Variants in IPO11 observed in about 807,000 individuals in gnomAD.
IPO11 encodes the protein importin-11.
IPO11 carries 66 observed loss-of-function variants against 143.2 expected under a neutral mutation model. That is an observed-to-expected ratio of 0.46 (90% CI 0.38 to 0.57). IPO11 has a LOEUF of 0.57. Among genes scored for constraint, IPO11 ranks in the 20% least tolerant of loss-of-function variants. The probability of loss-of-function intolerance (pLI) is 0.00; values close to 1 mark genes in which losing one functional copy is unlikely to be tolerated. For missense variants in IPO11, 1,026 were observed against 1,141.0 expected (o/e 0.90, Z 1.45); for synonymous variants, 385 against 377.8 (o/e 1.02, Z -0.22).
At chr5:62,570,517 A>T (rs1026908748) in intron 27 of IPO11, among the ~76,000 whole-genome samples, 3 of 152,192 alleles carry the variant, frequency 2.0e-5, no homozygotes, top group African/African-American at 7.2e-5. Context: ...TGTTTTAAAG[A>T]TGCTATTATG....
chr5:62,553,323 AGTGTGTGTGTGTGTGTGTGTGTGTGTGT>A (rs3077458), intron 26 of IPO11, among the ~76,000 whole-genome samples: 2 of 119,180 alleles, frequency 1.7e-5, no homozygotes, highest in African/African-American at 6.3e-5. Flanking sequence ...TATTCGTGTG[AGTGTGTGTGTGTGTGTGTGTGTGTGTGT>A]GTGTGTGTGT....
At chr5:62,471,087 G>A (rs985152591) in intron 7 of IPO11, among the ~76,000 whole-genome samples, 1 of 150,514 alleles carries the variant, frequency 6.6e-6, no homozygotes, top group African/African-American at 2.4e-5. Context: ...TTTGGCTTCC[G>A]AAAGTGCTGG....
chr5:62,549,940 T>G (rs949979980), intron 24 of IPO11, among the ~76,000 whole-genome samples: 1 of 152,202 alleles, frequency 6.6e-6, no homozygotes, highest in East Asian at 1.9e-4. Flanking sequence ...AAATGTAGAT[T>G]TATTTCTAGG....
intron 27 of IPO11, among the ~76,000 whole-genome samples, chr5:62,567,839 G>A (rs916705210): frequency 3.3e-5 from 5 of 151,606 alleles, no homozygotes; most frequent in African/African-American, 9.7e-5. Context: ...TGGGATTACA[G>A]GCGTGAGCCA....
At chr5:62,482,595 T>G (rs1435993729) in intron 9 of IPO11, among the ~76,000 whole-genome samples, 1 of 152,208 alleles carries the variant, frequency 6.6e-6, no homozygotes, top group Non-Finnish European at 1.5e-5. Flanking sequence ...ATCATTTGCC[T>G]AGATCCATTA....
chr5:62,434,530 G>C (rs1166013161), intron 1 of IPO11, among the ~76,000 whole-genome samples: 1 of 152,022 alleles, frequency 6.6e-6, no homozygotes, highest in East Asian at 1.9e-4. Context: ...GAAGTCCTGG[G>C]CTCAGGCGAT....
At chr5:62,417,712 C>G (rs749489028) in intron 1 of IPO11, among the ~76,000 whole-genome samples, 2 of 152,162 alleles carry the variant, frequency 1.3e-5, no homozygotes, top group Non-Finnish European at 2.9e-5. Flanking sequence ...GTGACTTCAA[C>G]TATTGCCTCT....
At chr5:62,560,320 T>A (rs1026209702) in intron 26 of IPO11, among the ~76,000 whole-genome samples, 2 of 152,192 alleles carry the variant, frequency 1.3e-5, no homozygotes, top group African/African-American at 4.8e-5. Context: ...CTGGTAAGTC[T>A]GAATTTTGCA....
intron 27 of IPO11, among the ~76,000 whole-genome samples, chr5:62,569,616 G>A (rs992164035): frequency 2.0e-5 from 3 of 152,158 alleles, no homozygotes; most frequent in Non-Finnish European, 4.4e-5. Flanking sequence ...AACAAGGGGA[G>A]GGTTCTTTAC....
intron 2 of IPO11, among the ~76,000 whole-genome samples, chr5:62,437,834 C>T (rs990545259): frequency 6.6e-6 from 1 of 152,188 alleles, no homozygotes; most frequent in Non-Finnish European, 1.5e-5. Flanking sequence ...TTTCTTTTCT[C>T]ATCTAAAAAT....
intron 27 of IPO11, among the ~76,000 whole-genome samples, chr5:62,570,874 A>G (rs1580336765): frequency 1.3e-5 from 2 of 152,326 alleles, no homozygotes; most frequent in Admixed American, 1.3e-4. Flanking sequence ...ACTGTGATCA[A>G]ATGAGATTAT....
intron 27 of IPO11, chr5:62,579,350 T>A (rs1744450613): frequency 1.7e-6 from 2 of 1,186,596 alleles, no homozygotes; most frequent in Non-Finnish European, 1.2e-6. Flanking sequence ...ATAAAAAAAA[T>A]TCATTTGATG....
intron 1 of IPO11, among the ~76,000 whole-genome samples, chr5:62,419,699 TAAG>T (rs993918916): frequency 1.3e-5 from 2 of 151,996 alleles, no homozygotes; most frequent in African/African-American, 2.4e-5. Flanking sequence ...AAAATTATGA[TAAG>T]AAGTATAGTA....
intron 1 of IPO11, among the ~76,000 whole-genome samples, chr5:62,424,522 T>TC (rs11463637): frequency 0.56 from 85,526 of 151,404 alleles, 24,720 homozygotes; most frequent in African/African-American, 0.68. Context: ...AACCTCTGCC[T>TC]CTGCCACCTC....
intron 1 of IPO11, chr5:62,422,705 C>A (rs1561303257): frequency 6.6e-6 from 1 of 152,144 alleles, no homozygotes. Flanking sequence ...CTAAAAACTC[C>A]CGGTGAGACA....
chr5:62,572,860 G>C (rs570726068), intron 27 of IPO11, among the ~76,000 whole-genome samples: 19 of 152,152 alleles, frequency 1.2e-4, no homozygotes, highest in Non-Finnish European at 2.4e-4. Flanking sequence ...TGGGATTGCA[G>C]GTGGGAGCCA....
chr5:62,517,635 T>C (rs1344066316), intron 20 of IPO11, among the ~76,000 whole-genome samples: 4 of 152,300 alleles, frequency 2.6e-5, no homozygotes. Flanking sequence ...ACTGCCGACC[T>C]CAGGTGATTT....
At chr5:62,522,108 C>T (rs1742220036) in intron 20 of IPO11, among the ~76,000 whole-genome samples, 1 of 151,882 alleles carries the variant, frequency 6.6e-6, no homozygotes, top group South Asian at 2.1e-4. Flanking sequence ...TACTTATTTA[C>T]GTTCTATTAT....
At chr5:62,579,690 T>C in intron 27 of IPO11, 4 of 1,548,372 alleles carry the variant, frequency 2.6e-6, no homozygotes, top group Non-Finnish European at 3.5e-6. Context: ...CAGGACTTCA[T>C]TCTCTTGTAG....
Sources: gnomAD v4.1 joint callset for allele counts (sites outside exome capture counted in the v4.1 genomes callset) on GRCh38, gnomAD v4.1.1 for gene constraint, MANE v1.5 for transcripts, NCBI Gene and HGNC (gene_info 2026-07-23, HGNC 2026-07-21) for gene names.